Variants in SCYL3 observed in about 807,000 individuals in gnomAD.
SCYL3 encodes the protein protein-associating with the carboxyl-terminal domain of ezrin.
In SCYL3, 35 loss-of-function variants were observed where a neutral mutation model predicts 73.8. The observed-to-expected ratio is 0.47, with a 90% confidence interval of 0.36 to 0.63. The LOEUF is 0.63. Among genes scored for constraint, SCYL3 ranks in the 20% least tolerant of loss-of-function variants. The pLI is 0.00. For synonymous variants in SCYL3, 277 were observed against 295.2 expected, an observed-to-expected ratio of 0.94 and a Z score of 0.63; for missense variants, 712 against 798.9, an observed-to-expected ratio of 0.89 and a Z score of 1.31.
intron 11 of SCYL3, among the ~76,000 whole-genome samples, chr1:169,856,994 T>A (rs147183798): frequency 1.3e-5 from 2 of 152,226 alleles, no homozygotes; most frequent in African/African-American, 4.8e-5. Flanking sequence ...CAGAATTACA[T>A]AACAAGTTCA....
intron 8 of SCYL3, among the ~76,000 whole-genome samples, chr1:169,865,943 T>A (rs1207518357): frequency 9.9e-5 from 15 of 152,212 alleles, no homozygotes. Flanking sequence ...TTGGGCTCAC[T>A]GTCCTTTTCA....
At chr1:169,876,280 C>A (rs1447212002) in intron 3 of SCYL3, among the ~76,000 whole-genome samples, 189 bp from the exon 4 acceptor site, 3 of 152,124 alleles carry the variant, frequency 2.0e-5, no homozygotes, top group Non-Finnish European at 4.4e-5. Context: ...TAAGAAACAA[C>A]AAATTGAATG....
At chr1:169,856,538 G>A (rs1659177925) in intron 11 of SCYL3, among the ~76,000 whole-genome samples, 1 of 152,012 alleles carries the variant, frequency 6.6e-6, no homozygotes, top group African/African-American at 2.4e-5. Context: ...AATAGCCTGG[G>A]GTAAACTCTT....
intron 2 of SCYL3, among the ~76,000 whole-genome samples, chr1:169,883,749 C>T (rs906198885): frequency 2.8e-5 from 4 of 141,186 alleles, no homozygotes; most frequent in Admixed American, 7.4e-5. Context: ...GACAGAGTCT[C>T]GCTATGTCAC....
At chr1:169,878,140 G>C (rs1460710296) in intron 3 of SCYL3, among the ~76,000 whole-genome samples, 1 of 152,184 alleles carries the variant, frequency 6.6e-6, no homozygotes, top group Admixed American at 6.5e-5. Flanking sequence ...AGAATGTTAA[G>C]AGGCTGTCTC....
At chr1:169,862,880 C>A in intron 9 of SCYL3, 83 bp from the exon 10 acceptor site, 1 of 1,247,660 alleles carries the variant, frequency 8.0e-7, no homozygotes, top group Non-Finnish European at 1.1e-6. Context: ...ATACACTGAA[C>A]CCAAAACTAC....
intron 2 of SCYL3, 130 bp downstream of exon 2, chr1:169,888,546 T>C: frequency 2.8e-6 from 2 of 702,884 alleles, no homozygotes; most frequent in Non-Finnish European, 4.6e-6. Context: ...AGCAATGTTT[T>C]GAAAGGACAT....
At chr1:169,858,572 GTAT>G (rs200228048) in intron 11 of SCYL3, among the ~76,000 whole-genome samples, 6,917 of 152,184 alleles carry the variant, frequency 0.045, 261 homozygotes, top group Non-Finnish European at 0.072. Context: ...TCATTACCAA[GTAT>G]TATGTACTGC....
At chr1:169,867,119 TTA>T in intron 7 of SCYL3, 146 bp from the exon 8 acceptor site, 1 of 576,608 alleles carries the variant, frequency 1.7e-6, no homozygotes, top group Non-Finnish European at 3.1e-6. Context: ...ACTAAGTAGC[TTA>T]TGAGACAAAT....
At chr1:169,867,034 T>C (rs17543611) in intron 7 of SCYL3, 61 bp from the exon 8 acceptor site, 72,442 of 902,046 alleles carry the variant, frequency 0.08, 3,422 homozygotes, top group Middle Eastern at 0.098. Flanking sequence ...AATATTGAGG[T>C]CATAATCACA....
rs1218261968 is a variant in SCYL3, at chr1:169,852,983, G to A, written c.*730C>T. On this transcript the variant is annotated 3_prime_UTR_variant, in exon 13 of 13. Transcript: ENST00000367771. Reference sequence around the variant, plus strand: ...CTAAAACGTTACATACATACTCTAGGGTGAAACTTATCACTAGGCAGAACT... The same window carrying A: ...CTAAAACGTTACATACATACTCTAGAGTGAAACTTATCACTAGGCAGAACT... The A allele has an allele frequency of 6.2e-7, 1 of 1,613,366 alleles. No homozygotes were observed.
intron 1 of SCYL3, among the ~76,000 whole-genome samples, chr1:169,893,059 C>T (rs531408324): frequency 1.3e-5 from 2 of 152,242 alleles, no homozygotes; most frequent in Admixed American, 6.5e-5. Context: ...ACAAGCAATA[C>T]ACAATTAAGT....
chr1:169,854,073 T>TAAAC, intron 12 of SCYL3, 197 bp downstream of exon 12: 1 of 587,186 alleles, frequency 1.7e-6, no homozygotes, highest in East Asian at 2.9e-5. Context: ...AATAGCTCAT[T>TAAAC]AAACAAACTA....
chr1:169,887,916 G>A (rs1198327051), intron 2 of SCYL3, among the ~76,000 whole-genome samples: 2 of 151,940 alleles, frequency 1.3e-5, no homozygotes, highest in Admixed American at 6.6e-5. Context: ...GATAACTAAG[G>A]GACTCAAGGT....
chr1:169,852,653 G>A lies in SCYL3; in HGVS notation c.*1060C>T. 1.2e-6 allele frequency: 1 copy of A among 815,630 alleles called. No homozygotes were observed. The highest frequency in any genetic ancestry group is 1.8e-5 in the South Asian group (1 of 55,848). The allele number at this position is 815,630 out of a possible 1,614,324, so 50.5% of individuals were successfully genotyped here. The stretch of plus-strand genomic sequence containing the variant: ...ATATTTTTCTAGATGACTGTGTAGG[G>A]GTTTTGGGGTGCATCCTCCTACCCT... On this transcript the variant is annotated 3_prime_UTR_variant, in exon 13 of 13. Transcript: ENST00000367771.
At chr1:169,857,185 A>C (rs1486310366) in intron 11 of SCYL3, among the ~76,000 whole-genome samples, 1 of 152,240 alleles carries the variant, frequency 6.6e-6, no homozygotes, top group Non-Finnish European at 1.5e-5. Context: ...AGTCACAAGA[A>C]ACTTAAACAT....
intron 7 of SCYL3, among the ~76,000 whole-genome samples, chr1:169,867,519 T>C (rs12135559): frequency 0.067 from 10,135 of 152,226 alleles, 434 homozygotes; most frequent in Non-Finnish European, 0.099. Context: ...ACTGCTCAGC[T>C]CACACCCTAC....
At chr1:169,869,742 G>A (rs116645239) in intron 6 of SCYL3, among the ~76,000 whole-genome samples, 1,523 of 152,290 alleles carry the variant, frequency 0.01, 24 homozygotes, top group African/African-American at 0.034. Flanking sequence ...CAGAAGAGAG[G>A]AGAAAACAAT....
chr1:169,873,125 T>C (rs919470437), intron 5 of SCYL3, among the ~76,000 whole-genome samples: 3 of 152,168 alleles, frequency 2.0e-5, no homozygotes, highest in African/African-American at 7.2e-5. Context: ...ACTCCCACAA[T>C]TCCCATGTGT....
Sources: gnomAD v4.1 joint callset for allele counts (sites outside exome capture counted in the v4.1 genomes callset) on GRCh38, gnomAD v4.1.1 for gene constraint, MANE v1.5 for transcripts, NCBI Gene and HGNC (gene_info 2026-07-23, HGNC 2026-07-21) for gene names.